Variants in LPCAT1 observed in about 807,000 individuals in gnomAD.
The protein encoded by LPCAT1 is lysophosphatidylcholine acyltransferase 1.
In LPCAT1, 23 loss-of-function variants were observed where a neutral mutation model predicts 60.9. The ratio of observed to expected loss-of-function variants is 0.38; its 90% CI spans 0.27 to 0.53. The LOEUF (loss-of-function observed/expected upper bound fraction) is 0.53, where lower values mean the gene tolerates loss of function less well. Ranked by LOEUF, LPCAT1 falls within the 20% of genes least tolerant of loss-of-function variation. The pLI is 0.82. For missense variants in LPCAT1, 622 were observed against 723.6 expected, an observed-to-expected ratio of 0.86 and a Z score of 1.61; for synonymous variants, 340 against 301.1, an observed-to-expected ratio of 1.13 and a Z score of -1.34.
chr5:1,500,483 A>T (rs1467027460), intron 2 of LPCAT1, among the ~76,000 whole-genome samples: 5 of 152,150 alleles, frequency 3.3e-5, no homozygotes, highest in African/African-American at 1.2e-4. Flanking sequence ...CTTAAAAGCC[A>T]GGAAGAGTTT....
At chr5:1,465,270 GCA>G (rs138176171) in intron 13 of LPCAT1, among the ~76,000 whole-genome samples, 16 of 131,464 alleles carry the variant, frequency 1.2e-4, no homozygotes, top group Admixed American at 3.2e-4. Flanking sequence ...ACATGCCCAT[GCA>G]CACACACACA....
chr5:1,467,744 G>T (rs1354789342), intron 12 of LPCAT1, among the ~76,000 whole-genome samples: 1 of 151,230 alleles, frequency 6.6e-6, no homozygotes, highest in East Asian at 1.9e-4. Flanking sequence ...CTCTGTGGCA[G>T]CGCTTTCCTC....
At chr5:1,482,363 C>A (rs1329225365) in intron 6 of LPCAT1, among the ~76,000 whole-genome samples, 1 of 139,774 alleles carries the variant, frequency 7.2e-6, no homozygotes, top group Non-Finnish European at 1.5e-5. Flanking sequence ...GGTGCAGCAG[C>A]CACCTTACAG....
At chr5:1,498,696 CATGT>C (rs1294769214) in intron 2 of LPCAT1, among the ~76,000 whole-genome samples, 5 of 152,144 alleles carry the variant, frequency 3.3e-5, no homozygotes, top group Non-Finnish European at 7.3e-5. Context: ...CATACACGTA[CATGT>C]ATGTGCACAC....
rs1367219101 is a variant in LPCAT1 at position 1,466,805 on chromosome 5, G to A, written c.1364C>T (p.Thr455Ile). Residue 455 changes from threonine to isoleucine, a missense_variant, in exon 13 of 14, where the codon ACC becomes ATC. This residue lies in a region of LPCAT1 where 288 missense variants were observed against 283.6 expected (regional missense o/e 1.02). Transcript: ENST00000283415. ...AATGGCTCGGAATAGGTCGGTCACG[G>A]TGAGCTCTGCCACCCCCAGGGCCGT... is the stretch of plus-strand genomic sequence containing the variant. ...LKTALGVAELTVTDLFRAIDQ... is the reference protein window; with the variant it reads ...LKTALGVAELIVTDLFRAIDQ... 6.2e-7 allele frequency: 1 copy of A among 1,612,962 alleles called. No homozygotes were observed. The highest frequency in any genetic ancestry group is 8.5e-7 in the Non-Finnish European group (1 of 1,179,404).
intron 9 of LPCAT1, among the ~76,000 whole-genome samples, chr5:1,475,635 G>A (rs1436536761): frequency 6.6e-6 from 1 of 152,252 alleles, no homozygotes; most frequent in Non-Finnish European, 1.5e-5. Flanking sequence ...GGAGGAGAAC[G>A]TGCTTCCAAC....
At chr5:1,467,032 C>G (rs1734442464) in intron 12 of LPCAT1, 142 bp from the exon 13 acceptor site, 1 of 857,778 alleles carries the variant, frequency 1.2e-6, no homozygotes, top group Non-Finnish European at 1.6e-6. Flanking sequence ...ACGGGGGACT[C>G]GAACTTCCAT....
chr5:1,508,090 T>C (rs1736241038), intron 1 of LPCAT1, among the ~76,000 whole-genome samples: 1 of 152,220 alleles, frequency 6.6e-6, no homozygotes. Context: ...TCTGCCGGCA[T>C]CTTGGACTTC....
intron 5 of LPCAT1, among the ~76,000 whole-genome samples, chr5:1,484,749 A>G (rs1340027345): frequency 6.6e-6 from 1 of 152,236 alleles, no homozygotes; most frequent in East Asian, 1.9e-4. Flanking sequence ...CGTCTCATGC[A>G]GGACATCCAC....
rs1339369321 is a variant in LPCAT1 at position 1,494,753 on chromosome 5, G to A, written c.440C>T (p.Thr147Met). The A allele has an allele frequency of 1.7e-5, 27 of 1,614,110 alleles. No individual in the cohort carries two copies. The highest frequency in any genetic ancestry group is 1.1e-4 in the East Asian group (5 of 44,894). ...TGCCTTCATCACGATGGAGGACATCGTCATGGTCACAGGGATGGCGTCGAA... is the reference window on the plus strand; with the variant it reads ...TGCCTTCATCACGATGGAGGACATCATCATGGTCACAGGGATGGCGTCGAA... ...SYFDAIPVTM[T>M]MSSIVMKAES... The change falls in exon 3 of 14, where the codon ACG becomes ATG. Residue 147 changes from threonine (T) to methionine (M), a missense_variant. Coordinates refer to ENST00000283415, the MANE Select transcript of LPCAT1 (RefSeq NM_024830.5).
chr5:1,478,533 G>C (rs1041442065), intron 8 of LPCAT1, among the ~76,000 whole-genome samples: 3 of 152,258 alleles, frequency 2.0e-5, no homozygotes, highest in Non-Finnish European at 1.5e-5. Flanking sequence ...TTCTGTGCTC[G>C]AGGCCTGGCC....
intron 13 of LPCAT1, among the ~76,000 whole-genome samples, chr5:1,465,827 C>G (rs1446183974): frequency 6.6e-6 from 1 of 152,068 alleles, no homozygotes; most frequent in Non-Finnish European, 1.5e-5. Context: ...CGTGCACACA[C>G]GTATGCACAC....
Position 1,523,776 on chromosome 5 carries a change from C to A in LPCAT1, c.69G>T (p.Leu23=), listed in dbSNP as rs1736749466. Residue 23 remains leucine (L), a synonymous_variant, in exon 1 of 14, where the codon CTG becomes CTT. Transcript: ENST00000283415. The surrounding 1 kb of genome is among the most constrained non-coding windows in gnomAD (Gnocchi z 7.1). ...AGGGGTTCCGCCCCGGGGGCGCCAG[C>A]AGCCGAGCGTCGCTGGCCCCTGCGC... ...ASSAGASDAR[L]LAPPGRNPFV... 8.7e-7 allele frequency: 1 copy of A among 1,151,294 alleles called. No individual in the cohort carries two copies. 71.3% of individuals were successfully genotyped at this position (1,151,294 alleles called of 1,614,324 possible).
At chr5:1,465,565 GCA>G (rs1734349680) in intron 13 of LPCAT1, among the ~76,000 whole-genome samples, 1 of 148,550 alleles carries the variant, frequency 6.7e-6, no homozygotes, top group Admixed American at 6.7e-5. Context: ...ACATGCCCAT[GCA>G]CACACACAAG....
chr5:1,468,602 G>C (rs1198788842), intron 12 of LPCAT1, among the ~76,000 whole-genome samples: 1 of 152,244 alleles, frequency 6.6e-6, no homozygotes, highest in African/African-American at 2.4e-5. Flanking sequence ...ACAGGCAACA[G>C]ACTTCAGGTT....
intron 12 of LPCAT1, among the ~76,000 whole-genome samples, chr5:1,469,975 A>AC (rs1391607436): frequency 2.6e-5 from 4 of 151,950 alleles, no homozygotes; most frequent in African/African-American, 9.7e-5. Flanking sequence ...GCCTGGGGAG[A>AC]CCCCCACAAG....
chr5:1,488,164 GA>G (rs1438287852), intron 5 of LPCAT1, among the ~76,000 whole-genome samples: 1 of 152,134 alleles, frequency 6.6e-6, no homozygotes, highest in East Asian at 1.9e-4. Context: ...CACCTCACTG[GA>G]AACGCCCTGA....
At chr5:1,518,262 G>GA (rs560015068) in intron 1 of LPCAT1, among the ~76,000 whole-genome samples, 45 of 152,220 alleles carry the variant, frequency 3.0e-4, no homozygotes, top group African/African-American at 1.1e-3. Context: ...AAACACAGCT[G>GA]AAAAAAAAGA....
rs1735131784 is a variant in LPCAT1, at chr5:1,481,311, C to A, written c.727-335G>T. 1.3e-5 allele frequency among the ~76,000 whole-genome samples: 2 copies of A among 152,302 alleles called. No homozygotes were observed. The highest frequency in any genetic ancestry group is 3.9e-4 in the East Asian group (2 of 5,172). The stretch of plus-strand genomic sequence containing the variant: ...AGCCCCTAGAACCTGGGAAAAGGGT[C>A]CTCCCTCCCTCCATGCTCTCCGCTT... On this transcript the variant is annotated intron_variant, in intron 6 of 13. Transcript: ENST00000283415. This position sits in a 1 kb window ranked among gnomAD's most constrained non-coding sequence, Gnocchi z 7.8.
Sources: allele counts gnomAD v4.1 joint callset (sites outside exome capture counted in the v4.1 genomes callset), GRCh38; gene constraint gnomAD v4.1.1; regional missense constraint gnomAD v4.1.1; non-coding constraint Gnocchi (gnomAD v3.1); transcripts MANE v1.5; gene names NCBI Gene and HGNC (gene_info 2026-07-23, HGNC 2026-07-21).